NCOR2: variants seen among roughly 807,000 people sequenced by gnomAD.
The protein encoded by NCOR2 is nuclear receptor corepressor 2.
In NCOR2, 81 loss-of-function variants were observed where a neutral mutation model predicts 262.9. The ratio of observed to expected loss-of-function variants is 0.31; its 90% CI spans 0.26 to 0.37. NCOR2 has a LOEUF of 0.37. Ranked by LOEUF, NCOR2 falls within the 10% of genes least tolerant of loss-of-function variation. The pLI is 1.00. For synonymous variants in NCOR2, 1,659 were observed against 1,559.3 expected (o/e 1.06, Z -1.51); for missense variants, 3,385 against 3,621.4 (o/e 0.93, Z 1.68).
In NCOR2 at chr12:124,389,232, A is replaced by AGGACCC. The variant is rs2041082811; in HGVS notation, c.1877-3351_1877-3346dup. 6.6e-6 allele frequency among the ~76,000 whole-genome samples: 1 copy of AGGACCC among 152,218 alleles called. No individual in the cohort carries two copies. The highest frequency in any genetic ancestry group is 2.4e-5 in the African/African-American group (1 of 41,456). On this transcript the variant is annotated intron_variant, in intron 16 of 46. Transcript: ENST00000405201. This position sits in a 1 kb window ranked among gnomAD's most constrained non-coding sequence, Gnocchi z 4.4. ...AGACCCCCGGGCCGGGCAAAATCCA[A>AGGACCC]GGACCCAGGCCCAGCAGGGCAGCCG... is the stretch of plus-strand genomic sequence containing the variant.
intron 4 of NCOR2, among the ~76,000 whole-genome samples, chr12:124,468,882 A>C (rs1447504301): frequency 7.7e-5 from 1 of 12,944 alleles, no homozygotes; most frequent in Non-Finnish European, 1.4e-4. Context: ...CATACTCATC[A>C]CCCCCATCAT....
intron 1 of NCOR2, among the ~76,000 whole-genome samples, chr12:124,543,947 G>A (rs917565503): frequency 6.6e-6 from 1 of 152,206 alleles, no homozygotes; most frequent in East Asian, 1.9e-4. Context: ...TGATTAACTC[G>A]TTTAATTCTT....
rs1009439549 is a variant in NCOR2, at chr12:124,443,152, G to T, written c.816-5156C>A. Among the ~76,000 whole-genome samples the T allele has an allele frequency of 1.3e-5, 2 of 152,216 alleles. No homozygotes were observed. Among genetic ancestry groups the T allele is most frequent in the South Asian group, 4.1e-4 (2 of 4,838 alleles). Reference sequence around the variant, plus strand: ...GTTCACGGCCGAGTGTTAAGGCAGCGCTGAGAAGCTAGTCCGGCGTGTGAT... The same window carrying T: ...GTTCACGGCCGAGTGTTAAGGCAGCTCTGAGAAGCTAGTCCGGCGTGTGAT... On this transcript the variant is annotated intron_variant, in intron 7 of 46. Transcript: ENST00000405201. The surrounding 1 kb of genome is among the most constrained non-coding windows in gnomAD (Gnocchi z 4.4).
intron 5 of NCOR2, among the ~76,000 whole-genome samples, chr12:124,458,536 A>G (rs1266668992): frequency 6.6e-6 from 1 of 152,166 alleles, no homozygotes; most frequent in East Asian, 1.9e-4. Context: ...CCAGAAGAGC[A>G]GGGGAGAACT....
In NCOR2 at chr12:124,473,140, GA is replaced by G. The variant is rs760483078; in HGVS notation, c.412-10del. ...CCCGTCAGGCTACGGTCCTGTGGCA[GA>G]AAAAAAACGGGCATGGGGTCAGCAC... On this transcript the variant is annotated splice_polypyrimidine_tract_variant and intron_variant, in intron 3 of 46. Transcript: ENST00000405201. 1.9e-6 allele frequency: 3 copies of G among 1,612,254 alleles called. No individual in the cohort carries two copies. The highest frequency in any genetic ancestry group is 1.1e-5 in the South Asian group (1 of 90,996).
chr12:124,552,862 T>G (rs1203972843), intron 1 of NCOR2, among the ~76,000 whole-genome samples: 2 of 150,864 alleles, frequency 1.3e-5, no homozygotes, highest in African/African-American at 2.4e-5. Flanking sequence ...TCTATGTTTT[T>G]TATAGAGACA....
At chr12:124,366,224 CGT>C (rs1209383108) in intron 20 of NCOR2, among the ~76,000 whole-genome samples, 1 of 152,148 alleles carries the variant, frequency 6.6e-6, no homozygotes, top group African/African-American at 2.4e-5. Flanking sequence ...GGAGACAAAG[CGT>C]GCCCTGTCCG....
At chr12:124,420,550 C>A (rs570801814) in intron 12 of NCOR2, among the ~76,000 whole-genome samples, 1 of 152,316 alleles carries the variant, frequency 6.6e-6, no homozygotes, top group South Asian at 2.1e-4. Flanking sequence ...CCTTGTGCAT[C>A]GGGACCGCCC....
Position 124,486,560 on chromosome 12 carries a change from C to T in NCOR2, c.114G>A (p.Gly38=), listed in dbSNP as rs748657853. ...GGGAGTGGTGCTGGTACTCCAGGAG[C>T]CCGACGTCCTGCAGGAGGGGACAGA... The change falls in exon 2 of 47, where the codon GGG becomes GGA. Residue 38 remains glycine, a synonymous_variant. Coordinates refer to ENST00000405201, the Ensembl canonical transcript of NCOR2. 33 of 1,574,816 alleles carry T rather than the reference C, an allele frequency of 2.1e-5. No individual in the cohort carries two copies. In the South Asian group the frequency reaches 3.7e-4, roughly 18 times the overall value.
intron 5 of NCOR2, among the ~76,000 whole-genome samples, chr12:124,460,310 T>C (rs957618996): frequency 2.4e-4 from 37 of 152,290 alleles, no homozygotes; most frequent in African/African-American, 8.7e-4. Flanking sequence ...GCTCAGGCGG[T>C]CTCTGGGGCA....
chr12:124,556,756 G>A (rs1446122724), intron 1 of NCOR2, among the ~76,000 whole-genome samples: 1 of 152,038 alleles, frequency 6.6e-6, no homozygotes, highest in South Asian at 2.1e-4. Context: ...GCTGAGGCAG[G>A]AGAATCGCTT....
At chr12:124,372,711 G>A in intron 19 of NCOR2, 101 bp from the exon 22 acceptor site, 2 of 1,094,996 alleles carry the variant, frequency 1.8e-6, no homozygotes, top group African/African-American at 3.2e-5. Context: ...TCTGTCGCCT[G>A]ATGCCAAAAC....
chr12:124,545,005 G>A (rs1020575574), intron 1 of NCOR2, among the ~76,000 whole-genome samples: 3 of 152,132 alleles, frequency 2.0e-5, no homozygotes, highest in African/African-American at 7.2e-5. Flanking sequence ...CGGAACCTCA[G>A]TGTGCCCATC....
intron 22 of NCOR2, among the ~76,000 whole-genome samples, chr12:124,358,533 T>C (rs2038203279): frequency 6.6e-6 from 1 of 152,180 alleles, no homozygotes; most frequent in Non-Finnish European, 1.5e-5. Context: ...GCACAGGCAC[T>C]GTGCTCAGCA....
chr12:124,407,213 C>T (rs1054359553), intron 13 of NCOR2, among the ~76,000 whole-genome samples: 6 of 152,228 alleles, frequency 3.9e-5, no homozygotes, highest in African/African-American at 1.2e-4. Context: ...AAAGATGTGG[C>T]CCCCAACTGT....
chr12:124,340,448 G>A lies in NCOR2; in HGVS notation c.5339-5C>T, dbSNP rs1290199594. The A allele has an allele frequency of 6.2e-7, 1 of 1,611,382 alleles. No homozygotes were observed. The highest frequency in any genetic ancestry group is 1.1e-5 in the South Asian group (1 of 91,062). The stretch of plus-strand genomic sequence containing the variant: ...TTGTCAAGTGTGTTGGACCTCCTAG[G>A]AAACCCAAAGGCCAGAGACTCAGCC... On this transcript the variant is annotated splice_polypyrimidine_tract_variant and splice_region_variant and intron_variant, in intron 35 of 46. Coordinates refer to ENST00000405201, the Ensembl canonical transcript of NCOR2.
chr12:124,447,311 C>T (rs1385252776), intron 7 of NCOR2, among the ~76,000 whole-genome samples: 1 of 152,230 alleles, frequency 6.6e-6, no homozygotes, highest in Non-Finnish European at 1.5e-5. Flanking sequence ...TGCACTTCAA[C>T]GGACCACAGT....
intron 43 of NCOR2, among the ~76,000 whole-genome samples, chr12:124,331,149 G>A (rs1310031195): frequency 4.0e-5 from 6 of 148,322 alleles, no homozygotes; most frequent in African/African-American, 1.2e-4. Flanking sequence ...TGCAACCTCC[G>A]CCTCCCAGGT....
intron 41 of NCOR2, among the ~76,000 whole-genome samples, chr12:124,334,070 CCT>C (rs1328103601): frequency 5.7e-4 from 82 of 143,450 alleles, no homozygotes; most frequent in African/African-American, 1.5e-3. Context: ...AACAAATCCC[CCT>C]CTGTCACCTA....
Sources: allele counts gnomAD v4.1 joint callset (sites outside exome capture counted in the v4.1 genomes callset), GRCh38; gene constraint gnomAD v4.1.1; non-coding constraint Gnocchi (gnomAD v3.1); transcripts MANE v1.5; gene names NCBI Gene and HGNC (gene_info 2026-07-23, HGNC 2026-07-21).